SFMBT2: variants seen among roughly 807,000 people sequenced by gnomAD.
SFMBT2 encodes the protein Scm like with four mbt domains 2, also known as scm-like with four MBT domains protein 2.
Under a neutral mutation model 110.1 loss-of-function variants are expected in SFMBT2, and 38 were observed. That is an observed-to-expected ratio of 0.35 (90% confidence interval 0.27 to 0.45). The LOEUF (loss-of-function observed/expected upper bound fraction) is 0.45. SFMBT2 is among the 20% of genes least tolerant of loss of function. SFMBT2 has a pLI of 1.00. For missense variants in SFMBT2, 1,011 were observed against 1,094.9 expected (o/e 0.92, Z 1.08); for synonymous variants, 425 against 425.4 (o/e 1.00, Z 0.01).
intron 8 of SFMBT2, among the ~76,000 whole-genome samples, chr10:7,247,597 T>G (rs1840659127): frequency 6.6e-6 from 1 of 152,196 alleles, no homozygotes; most frequent in African/African-American, 2.4e-5. Context: ...AACTCATGAC[T>G]CAAGTAACAA....
At chr10:7,370,460 T>C (rs1017873363) in intron 2 of SFMBT2, 85 bp from the exon 3 acceptor site, 1 of 1,139,332 alleles carries the variant, frequency 8.8e-7, no homozygotes, top group African/African-American at 1.5e-5. Flanking sequence ...AGAAAATCCT[T>C]CATACAAGAC....
intron 16 of SFMBT2, among the ~76,000 whole-genome samples, chr10:7,179,599 T>C (rs1243115519): frequency 6.6e-6 from 1 of 151,734 alleles, no homozygotes; most frequent in Non-Finnish European, 1.5e-5. Flanking sequence ...ATTCTTAGAG[T>C]CCCTAGAAAA....
At chr10:7,177,152 C>T (rs1401621244) in intron 16 of SFMBT2, among the ~76,000 whole-genome samples, 1 of 152,124 alleles carries the variant, frequency 6.6e-6, no homozygotes, top group African/African-American at 2.4e-5. Flanking sequence ...AACATGCACA[C>T]CTTCACCGCA....
At chr10:7,409,654 C>T (rs1438714915) in intron 1 of SFMBT2, among the ~76,000 whole-genome samples, 1 of 151,942 alleles carries the variant, frequency 6.6e-6, no homozygotes, top group South Asian at 2.1e-4. Flanking sequence ...AAAAAAAAAA[C>T]CGGACAGCCC....
chr10:7,373,472 T>C (rs1411573791), intron 2 of SFMBT2, among the ~76,000 whole-genome samples: 1 of 152,132 alleles, frequency 6.6e-6, no homozygotes, highest in Non-Finnish European at 1.5e-5. Flanking sequence ...CCAAGAACGA[T>C]GATGGATGTA....
chr10:7,262,433 A>G (rs78474067), intron 7 of SFMBT2, among the ~76,000 whole-genome samples: 9,607 of 152,296 alleles, frequency 0.063, 411 homozygotes, highest in Admixed American at 0.089. Context: ...TTTTATAAAC[A>G]AGAGATGTAT....
At chr10:7,343,463 A>G (rs1843993370) in intron 4 of SFMBT2, among the ~76,000 whole-genome samples, 1 of 152,206 alleles carries the variant, frequency 6.6e-6, no homozygotes, top group Non-Finnish European at 1.5e-5. Flanking sequence ...AGAAATCTCC[A>G]GAGTGCTTTC....
intron 20 of SFMBT2, among the ~76,000 whole-genome samples, chr10:7,167,483 G>A (rs574893428): frequency 1.3e-5 from 2 of 152,214 alleles, no homozygotes; most frequent in Admixed American, 6.5e-5. Context: ...CAGGGCCTGC[G>A]TGCACATAGC....
chr10:7,377,960 T>G (rs1447669817), intron 2 of SFMBT2, among the ~76,000 whole-genome samples: 8 of 42,206 alleles, frequency 1.9e-4, no homozygotes, highest in Middle Eastern at 0.011. Context: ...AAATTTTGTG[T>G]GGGGGGGGGT....
chr10:7,166,513 T>C (rs1837698633), intron 20 of SFMBT2, among the ~76,000 whole-genome samples: 1 of 152,256 alleles, frequency 6.6e-6, no homozygotes, highest in Non-Finnish European at 1.5e-5. Flanking sequence ...ATTGAGCATC[T>C]ACTAAGTGGC....
Position 7,367,963 on chromosome 10 carries a change from T to C in SFMBT2, c.196-74A>G. The stretch of plus-strand genomic sequence containing the variant: ...ACATCCAGAAGATGACAAAAACCAC[T>C]AAAAAATATGGCACTTACAAACAAT... On this transcript the variant is annotated intron_variant, in intron 3 of 20. Transcript: ENST00000397167. The surrounding 1 kb of genome is among the most constrained non-coding windows in gnomAD (Gnocchi z 6.2). 1 of 1,544,200 alleles carries C rather than the reference T, an allele frequency of 6.5e-7. No individual in the cohort carries two copies. Among genetic ancestry groups the C allele is most frequent in the East Asian group, 2.3e-5 (1 of 44,110 alleles).
intron 11 of SFMBT2, chr10:7,206,614 G>A (rs1484079588): frequency 4.1e-6 from 4 of 979,596 alleles, no homozygotes; most frequent in Non-Finnish European, 2.4e-6. Flanking sequence ...CCACTAAAAT[G>A]TGGGACCTGA....
chr10:7,173,847 C>T (rs150445788), intron 17 of SFMBT2, among the ~76,000 whole-genome samples: 6 of 152,176 alleles, frequency 3.9e-5, no homozygotes, highest in East Asian at 3.8e-4. Context: ...GCAGCAGCCC[C>T]GTTGCAGGGA....
intron 1 of SFMBT2, among the ~76,000 whole-genome samples, chr10:7,384,238 A>AAAAAAAAAAAAAAAAT (rs1554812962): frequency 1.5e-4 from 22 of 145,514 alleles, no homozygotes; most frequent in Non-Finnish European, 2.8e-4. Flanking sequence ...AAAAAAAAAA[A>AAAAAAAAAAAAAAAAT]CAACCACAGA....
At chr10:7,404,012 C>T (rs1489906369) in intron 1 of SFMBT2, among the ~76,000 whole-genome samples, 5 of 152,280 alleles carry the variant, frequency 3.3e-5, no homozygotes, top group East Asian at 1.9e-4. Context: ...TGGATCCCAA[C>T]GACCCTGATT....
intron 17 of SFMBT2, among the ~76,000 whole-genome samples, chr10:7,174,128 G>A (rs916806296): frequency 1.3e-5 from 2 of 152,256 alleles, no homozygotes; most frequent in Non-Finnish European, 2.9e-5. Context: ...GCCCCGGCCT[G>A]TTCTCATCAA....
At chr10:7,400,671 T>A (rs904205952) in intron 1 of SFMBT2, among the ~76,000 whole-genome samples, 2 of 152,196 alleles carry the variant, frequency 1.3e-5, no homozygotes, top group Non-Finnish European at 2.9e-5. Context: ...GCAGCTGCAT[T>A]TGGCCGAACT....
intron 7 of SFMBT2, among the ~76,000 whole-genome samples, chr10:7,254,467 A>T (rs1840929344): frequency 6.6e-6 from 1 of 152,196 alleles, no homozygotes; most frequent in Non-Finnish European, 1.5e-5. Context: ...CACAGTAGTC[A>T]AAGGATTTAT....
intron 4 of SFMBT2, among the ~76,000 whole-genome samples, chr10:7,319,896 CAGAG>C (rs764670601): frequency 8.1e-6 from 1 of 123,598 alleles, no homozygotes; most frequent in Non-Finnish European, 1.7e-5. Flanking sequence ...GACAGAGAGA[CAGAG>C]AGAGACTAAG....
Sources: allele counts gnomAD v4.1 joint callset (sites outside exome capture counted in the v4.1 genomes callset), GRCh38; gene constraint gnomAD v4.1.1; non-coding constraint Gnocchi (gnomAD v3.1); transcripts MANE v1.5; gene names NCBI Gene and HGNC (gene_info 2026-07-23, HGNC 2026-07-21).